The following TEAD1 variants were observed in gnomAD, a reference collection of about 807,000 sequenced individuals.
TEAD1 encodes transcriptional enhancer factor TEF-1.
A neutral mutation model predicts 54.9 loss-of-function variants in TEAD1; 9 were observed. The ratio of observed to expected loss-of-function variants is 0.16; its 90% CI spans 0.10 to 0.29. TEAD1 has a LOEUF of 0.29. TEAD1 is among the 10% of genes least tolerant of loss of function. The pLI is 1.00. For missense variants in TEAD1, 387 were observed against 535.9 expected, an observed-to-expected ratio of 0.72 and a Z score of 2.74; for synonymous variants, 200 against 187.8, an observed-to-expected ratio of 1.07 and a Z score of -0.53.
At chr11:12,795,414 T>C (rs921696255) in intron 3 of TEAD1, among the ~76,000 whole-genome samples, 5 of 152,192 alleles carry the variant, frequency 3.3e-5, no homozygotes, top group Admixed American at 3.3e-4. Flanking sequence ...CAAATCTTTT[T>C]GGGGCATGCA....
chr11:12,854,540 G>A (rs1947334297), intron 3 of TEAD1, among the ~76,000 whole-genome samples: 1 of 152,118 alleles, frequency 6.6e-6, no homozygotes, highest in African/African-American at 2.4e-5. Context: ...CTCATGGGTT[G>A]GAGTTCTTCC....
chr11:12,835,835 G>A (rs747942152), intron 3 of TEAD1, among the ~76,000 whole-genome samples: 3 of 152,078 alleles, frequency 2.0e-5, no homozygotes, highest in Non-Finnish European at 4.4e-5. Context: ...TTCTTTTTGG[G>A]GGTGGATGGA....
chr11:12,682,409 C>T (rs899573100), intron 2 of TEAD1, among the ~76,000 whole-genome samples: 2 of 152,042 alleles, frequency 1.3e-5, no homozygotes, highest in Admixed American at 6.6e-5. Context: ...GTGTGTGTCA[C>T]GGTTACTGGT....
chr11:12,728,952 AG>A (rs1944367672), intron 2 of TEAD1, among the ~76,000 whole-genome samples: 1 of 152,200 alleles, frequency 6.6e-6, no homozygotes, highest in African/African-American at 2.4e-5. Flanking sequence ...TTTTGTGAAG[AG>A]GTATCAGCCC....
intron 5 of TEAD1, among the ~76,000 whole-genome samples, chr11:12,871,876 T>C (rs1310061757): frequency 2.6e-5 from 4 of 152,166 alleles, no homozygotes; most frequent in African/African-American, 7.2e-5. Context: ...TGGATGTGTA[T>C]TGAAGAAAAA....
chr11:12,905,481 A>G (rs1442317061), intron 10 of TEAD1, among the ~76,000 whole-genome samples: 2 of 152,242 alleles, frequency 1.3e-5, no homozygotes, highest in East Asian at 3.8e-4. Context: ...CTTTATAAAG[A>G]AATTCAGTCA....
intron 3 of TEAD1, among the ~76,000 whole-genome samples, chr11:12,861,984 CTTTTT>C (rs72145575): frequency 4.2e-4 from 52 of 124,364 alleles, no homozygotes; most frequent in Admixed American, 5.8e-4. Context: ...GAAACTCTGT[CTTTTT>C]TTTTTTTTTT....
At chr11:12,833,909 T>A (rs1946831417) in intron 3 of TEAD1, among the ~76,000 whole-genome samples, 1 of 152,208 alleles carries the variant, frequency 6.6e-6, no homozygotes, top group Admixed American at 6.5e-5. Flanking sequence ...ATTTGGTTGC[T>A]TATTTCCCCA....
In TEAD1 at chr11:12,690,267, T is replaced by TA. The variant is rs371317062; in HGVS notation, c.-55+14708dup. ...AAAAAAAAAAAAAAAAAAAAAATAA[T>TA]AAGCCCTTAATGTCAAATATCTAGT... On this transcript the variant is annotated intron_variant, in intron 2 of 12. Coordinates refer to ENST00000527636, the MANE Select transcript of TEAD1 (RefSeq NM_021961.6). 3.0e-3 allele frequency among the ~76,000 whole-genome samples: 447 copies of TA among 147,512 alleles called. 1 individual carries two copies. Among genetic ancestry groups the TA allele is most frequent in the African/African-American group, 0.01 (410 of 40,190 alleles).
At chr11:12,814,669 A>G (rs1252595444) in intron 3 of TEAD1, among the ~76,000 whole-genome samples, 2 of 152,170 alleles carry the variant, frequency 1.3e-5, no homozygotes, top group Non-Finnish European at 2.9e-5. Context: ...ATCCCCTAAT[A>G]GCAGCAAGGG....
At chr11:12,851,466 T>C (rs569169020) in intron 3 of TEAD1, among the ~76,000 whole-genome samples, 14 of 152,332 alleles carry the variant, frequency 9.2e-5, no homozygotes, top group Non-Finnish European at 2.1e-4. Context: ...CAATATCACT[T>C]TGTAAACTTC....
rs567677374 is a variant in TEAD1, at chr11:12,944,034, C to T, written c.*6812C>T. ...CTTAAATTTTATGTAAATCGGTTTTCGCCACGTGTGTTTGTTCACATTCTA... is the reference window on the plus strand; with the variant it reads ...CTTAAATTTTATGTAAATCGGTTTTTGCCACGTGTGTTTGTTCACATTCTA... On this transcript the variant is annotated 3_prime_UTR_variant, in exon 13 of 13. Coordinates refer to ENST00000527636, the MANE Select transcript of TEAD1 (RefSeq NM_021961.6). The T allele has an allele frequency of 2.0e-5, 3 of 152,626 alleles. No individual in the cohort carries two copies. The highest frequency in any genetic ancestry group is 2.1e-4 in the South Asian group (1 of 4,824). The allele number at this position is 152,626 out of a possible 1,614,324, so 9.5% of individuals were successfully genotyped here.
intron 3 of TEAD1, among the ~76,000 whole-genome samples, chr11:12,848,291 A>G (rs1947198571): frequency 6.6e-6 from 1 of 152,198 alleles, no homozygotes. Flanking sequence ...GGGAGAGGAA[A>G]GTGCCTTGGG....
chr11:12,703,443 C>G (rs1023292922), intron 2 of TEAD1, among the ~76,000 whole-genome samples: 1 of 152,088 alleles, frequency 6.6e-6, no homozygotes, highest in African/African-American at 2.4e-5. Context: ...TGGGGATGAC[C>G]TTTTCCATTT....
intron 3 of TEAD1, among the ~76,000 whole-genome samples, chr11:12,858,372 T>C (rs1368297402): frequency 6.6e-6 from 1 of 152,220 alleles, no homozygotes; most frequent in Non-Finnish European, 1.5e-5. Context: ...GTATATTTGA[T>C]ATTTCAAGTA....
intron 5 of TEAD1, among the ~76,000 whole-genome samples, chr11:12,877,814 T>G (rs760195746): frequency 2.9e-4 from 44 of 149,526 alleles, no homozygotes; most frequent in Non-Finnish European, 5.9e-4. Context: ...TTTTTTTTTC[T>G]GATGGAGTCT....
At chr11:12,819,448 A>AGTTTTTT (rs971949957) in intron 3 of TEAD1, among the ~76,000 whole-genome samples, 8 of 151,880 alleles carry the variant, frequency 5.3e-5, no homozygotes, top group Non-Finnish European at 7.4e-5. Context: ...ACGGTAACAA[A>AGTTTTTT]GTTTTTTGTT....
intron 10 of TEAD1, among the ~76,000 whole-genome samples, chr11:12,903,474 G>A (rs1047320318): frequency 6.6e-6 from 1 of 152,184 alleles, no homozygotes; most frequent in Non-Finnish European, 1.5e-5. Flanking sequence ...GTTTCTTTTA[G>A]CCTTCCATGA....
chr11:12,770,275 A>G (rs576048564), intron 3 of TEAD1, among the ~76,000 whole-genome samples: 1 of 152,346 alleles, frequency 6.6e-6, no homozygotes, highest in South Asian at 2.1e-4. Flanking sequence ...GTGTGAGCTC[A>G]TGTGCAATCC....
Sources: gnomAD v4.1 joint callset for allele counts (sites outside exome capture counted in the v4.1 genomes callset) on GRCh38, gnomAD v4.1.1 for gene constraint, MANE v1.5 for transcripts, NCBI Gene and HGNC (gene_info 2026-07-23, HGNC 2026-07-21) for gene names.